Variants in TENM2 observed in about 807,000 individuals in gnomAD.
TENM2 encodes the protein teneurin transmembrane protein 2, also known as teneurin-2.
TENM2 carries 52 observed loss-of-function variants against 245.2 expected under a neutral mutation model. The ratio of observed to expected loss-of-function variants is 0.21; its 90% CI spans 0.17 to 0.27. TENM2 has a LOEUF of 0.27. Among genes scored for constraint, TENM2 ranks in the 10% least tolerant of loss-of-function variants. TENM2 has a pLI of 1.00. For missense variants in TENM2, 3,046 were observed against 3,666.8 expected (o/e 0.83, Z 4.37); for synonymous variants, 1,363 against 1,438.9 (o/e 0.95, Z 1.19).
At chr5:168,262,738 G>T (rs777360997) in exon 29 of TENM2, 2 of 1,610,918 alleles carry the variant, frequency 1.2e-6, no homozygotes, top group Admixed American at 3.4e-5. Context: ...TTCCCGTGGA[G>T]CAATACCCAG....
chr5:167,923,296 G>A lies in TENM2; in HGVS notation c.713-29292G>A, dbSNP rs1222911933. Among the ~76,000 whole-genome samples the A allele has an allele frequency of 3.3e-5, 5 of 151,260 alleles. No individual in the cohort carries two copies. In the South Asian group the frequency reaches 1.0e-3, roughly 32 times the overall value. The stretch of plus-strand genomic sequence containing the variant: ...ATCGCACCACTGCATTGCAGCCTGG[G>A]CAAGAGTAAGACTCTGTCTCCAAAA... On this transcript the variant is annotated intron_variant, in intron 3 of 28. Coordinates refer to ENST00000518659, the Ensembl canonical transcript of TENM2.
At chr5:167,003,039 C>G in the TENM2 span, among the ~76,000 whole-genome samples, 1 of 151,832 alleles carries the variant, frequency 6.6e-6, no homozygotes, top group African/African-American at 2.4e-5. Flanking sequence ...TAATTTCATG[C>G]AGATCTTCCT....
the TENM2 span, among the ~76,000 whole-genome samples, chr5:166,992,335 T>C: frequency 1.3e-5 from 2 of 152,218 alleles, no homozygotes; most frequent in South Asian, 4.1e-4. Flanking sequence ...CTTTCCACTG[T>C]GTATTTTTTG....
rs78761881 is a variant in TENM2 at position 167,622,678 on chromosome 5, C to G, written c.502+247205C>G. On this transcript the variant is annotated intron_variant, in intron 2 of 28. Transcript: ENST00000518659. ...TGTGTTTTTGAAAATCCATCATACACTGTAGACATGACAATTGCTTTAAGT... is the reference window on the plus strand; with the variant it reads ...TGTGTTTTTGAAAATCCATCATACAGTGTAGACATGACAATTGCTTTAAGT... Among the ~76,000 whole-genome samples, 977 of 152,180 alleles carry G rather than the reference C, an allele frequency of 6.4e-3. 12 individuals are homozygous for G. Among genetic ancestry groups the G allele is most frequent in the African/African-American group, 0.022 (929 of 41,514 alleles).
chr5:167,613,979 A>G (rs2127755256), intron 2 of TENM2, among the ~76,000 whole-genome samples: 2 of 152,200 alleles, frequency 1.3e-5, no homozygotes, highest in East Asian at 3.9e-4. Context: ...GTATTTGAAA[A>G]TCAACCAGAT....
intron 2 of TENM2, among the ~76,000 whole-genome samples, chr5:167,595,842 A>G (rs1320146913): frequency 6.6e-6 from 1 of 152,162 alleles, no homozygotes; most frequent in African/African-American, 2.4e-5. Context: ...GTAAAGCTTT[A>G]TCCACCGTGT....
At chr5:167,118,600 C>T in the TENM2 span, among the ~76,000 whole-genome samples, 4 of 152,158 alleles carry the variant, frequency 2.6e-5, no homozygotes, top group Non-Finnish European at 5.9e-5. Context: ...TCAAAGAAAA[C>T]TTATTTTTGG....
intron 7 of TENM2, among the ~76,000 whole-genome samples, chr5:168,080,971 A>G (rs998771092): frequency 6.6e-6 from 1 of 152,148 alleles, no homozygotes; most frequent in Non-Finnish European, 1.5e-5. Flanking sequence ...GCTGAGTTCA[A>G]TTCCTGGATA....
the TENM2 span, among the ~76,000 whole-genome samples, chr5:167,203,703 A>G: frequency 6.6e-6 from 1 of 152,188 alleles, no homozygotes; most frequent in Non-Finnish European, 1.5e-5. Context: ...TGATGATAGG[A>G]CTGTAGCAAA....
At chr5:168,196,510 G>A (rs2152522618) in intron 15 of TENM2, among the ~76,000 whole-genome samples, 1 of 152,316 alleles carries the variant, frequency 6.6e-6, no homozygotes, top group East Asian at 1.9e-4. Context: ...TGCCCAGGCT[G>A]GAGTGCAATG....
chr5:167,596,069 A>G (rs1260755666), intron 2 of TENM2, among the ~76,000 whole-genome samples: 5 of 151,996 alleles, frequency 3.3e-5, no homozygotes, highest in Admixed American at 6.6e-5. Context: ...TCCTAACGCT[A>G]TTTTGTTCAG....
chr5:167,351,928 G>T (rs1758948171), intron 1 of TENM2, among the ~76,000 whole-genome samples: 1 of 151,962 alleles, frequency 6.6e-6, no homozygotes, highest in Non-Finnish European at 1.5e-5. Context: ...AACATTCTCT[G>T]ATTTGAGGTC....
chr5:167,387,600 C>T (rs992605551), intron 2 of TENM2, among the ~76,000 whole-genome samples: 1 of 151,988 alleles, frequency 6.6e-6, no homozygotes, highest in Non-Finnish European at 1.5e-5. Flanking sequence ...TGTTTCAGTT[C>T]TCAGAGGGAA....
intron 2 of TENM2, among the ~76,000 whole-genome samples, chr5:167,836,100 G>A (rs889542788): frequency 9.2e-5 from 14 of 152,264 alleles, no homozygotes; most frequent in African/African-American, 2.4e-4. Context: ...AGATAGCAAC[G>A]TTGTTTTTAA....
intron 1 of TENM2, among the ~76,000 whole-genome samples, chr5:167,288,169 G>A (rs1202462813): frequency 1.3e-5 from 2 of 152,176 alleles, no homozygotes; most frequent in Non-Finnish European, 2.9e-5. Context: ...GCATGTGTAT[G>A]TGCCTGGGAC....
the TENM2 span, among the ~76,000 whole-genome samples, chr5:167,038,193 C>T: frequency 1.3e-5 from 2 of 152,198 alleles, no homozygotes; most frequent in Non-Finnish European, 2.9e-5. Flanking sequence ...AGGAGAAAAT[C>T]TTTGAACAGT....
At chr5:168,068,991 C>A (rs1010143811) in intron 7 of TENM2, among the ~76,000 whole-genome samples, 4 of 151,834 alleles carry the variant, frequency 2.6e-5, no homozygotes, top group Admixed American at 2.6e-4. Flanking sequence ...TGTTTTTGTG[C>A]AATTTTGAGA....
At chr5:167,275,401 T>C in the TENM2 span, among the ~76,000 whole-genome samples, 2 of 152,256 alleles carry the variant, frequency 1.3e-5, no homozygotes, top group East Asian at 3.9e-4. Flanking sequence ...ACAAAAAATT[T>C]TGCTAAGATT....
At chr5:167,011,664 G>A in the TENM2 span, among the ~76,000 whole-genome samples, 1 of 152,168 alleles carries the variant, frequency 6.6e-6, no homozygotes, top group Non-Finnish European at 1.5e-5. Context: ...AGTACCCCTT[G>A]TCCCTGTTAA....
Sources: allele counts gnomAD v4.1 joint callset (sites outside exome capture counted in the v4.1 genomes callset), GRCh38; gene constraint gnomAD v4.1.1; transcripts MANE v1.5; gene names NCBI Gene and HGNC (gene_info 2026-07-23, HGNC 2026-07-21).